RCOR1: variants seen among roughly 807,000 people sequenced by gnomAD.
RCOR1 encodes the protein REST corepressor.
RCOR1 carries 12 observed loss-of-function variants against 64.0 expected under a neutral mutation model. The ratio of observed to expected loss-of-function variants is 0.19; its 90% confidence interval spans 0.12 to 0.30. The LOEUF is 0.30. Among genes scored for constraint, RCOR1 ranks in the 10% least tolerant of loss-of-function variants. The pLI is 1.00. For synonymous variants in RCOR1, 279 were observed against 227.2 expected, an observed-to-expected ratio of 1.23 and a Z score of -2.05; for missense variants, 502 against 621.2, an observed-to-expected ratio of 0.81 and a Z score of 2.04.
chr14:102,678,738 T>G (rs1033339333), intron 2 of RCOR1, among the ~76,000 whole-genome samples: 1 of 152,220 alleles, frequency 6.6e-6, no homozygotes, highest in Non-Finnish European at 1.5e-5. Flanking sequence ...TAATTTTGCA[T>G]TTACACCAGC....
chr14:102,699,214 T>C (rs547141594), intron 3 of RCOR1, among the ~76,000 whole-genome samples: 13 of 152,332 alleles, frequency 8.5e-5, no homozygotes, highest in Non-Finnish European at 1.6e-4. Flanking sequence ...TCACCAGTTA[T>C]ACTTTTGTGA....
chr14:102,700,638 G>A (rs1431887365), intron 3 of RCOR1, among the ~76,000 whole-genome samples: 1 of 152,174 alleles, frequency 6.6e-6, no homozygotes, highest in African/African-American at 2.4e-5. Context: ...CGAAGTGTTA[G>A]GATTACAGGC....
intron 2 of RCOR1, among the ~76,000 whole-genome samples, chr14:102,667,406 G>A (rs557384921): frequency 2.0e-5 from 3 of 151,912 alleles, no homozygotes; most frequent in Non-Finnish European, 4.4e-5. Context: ...GAGGCTGAAG[G>A]AGGAGAATTG....
intron 2 of RCOR1, 33 bp downstream of exon 2, chr14:102,593,358 G>T: frequency 2.7e-6 from 4 of 1,503,966 alleles, no homozygotes; most frequent in Admixed American, 2.3e-5. Context: ...CGGCGGCGGG[G>T]ATGAGCGGGA....
chr14:102,634,638 A>G (rs7150123), intron 2 of RCOR1, among the ~76,000 whole-genome samples: 2,295 of 139,608 alleles, frequency 0.016, 40 homozygotes, highest in East Asian at 0.049. Context: ...GTATGTGTGT[A>G]TATATATATA....
At chr14:102,595,838 C>A (rs1470689659) in intron 2 of RCOR1, among the ~76,000 whole-genome samples, 1 of 152,108 alleles carries the variant, frequency 6.6e-6, no homozygotes, top group Non-Finnish European at 1.5e-5. Context: ...CTCGGCCTCT[C>A]ATAGTGCTGG....
intron 2 of RCOR1, among the ~76,000 whole-genome samples, chr14:102,640,006 C>T (rs1181248882): frequency 2.6e-5 from 4 of 152,130 alleles, no homozygotes; most frequent in African/African-American, 4.8e-5. Context: ...CCACCACACC[C>T]GGCTAATTTT....
chr14:102,637,331 T>G (rs1481801305), intron 2 of RCOR1, among the ~76,000 whole-genome samples: 1 of 152,028 alleles, frequency 6.6e-6, no homozygotes, highest in Non-Finnish European at 1.5e-5. Flanking sequence ...TTTACTATGT[T>G]GGTGAGGCTG....
At chr14:102,644,371 TTGGTAGGAGTACAGAAG>T (rs1420808427) in intron 2 of RCOR1, among the ~76,000 whole-genome samples, 1 of 152,184 alleles carries the variant, frequency 6.6e-6, no homozygotes, top group East Asian at 1.9e-4. Flanking sequence ...ATTCCATCTC[TTGGTAGGAGTACAGAAG>T]TGGAATTGCA....
intron 3 of RCOR1, among the ~76,000 whole-genome samples, chr14:102,700,286 A>G (rs939737392): frequency 1.3e-5 from 2 of 151,822 alleles, no homozygotes; most frequent in Non-Finnish European, 2.9e-5. Context: ...CAGTGGTGCA[A>G]TCTTGGTTCA....
intron 2 of RCOR1, among the ~76,000 whole-genome samples, chr14:102,673,570 T>C (rs531551882): frequency 1.7e-4 from 26 of 152,054 alleles, no homozygotes; most frequent in East Asian, 5.8e-4. Flanking sequence ...CTCCTGACCT[T>C]GTGATCCGCC....
intron 2 of RCOR1, among the ~76,000 whole-genome samples, chr14:102,667,393 C>T (rs536137590): frequency 1.9e-4 from 29 of 151,778 alleles, no homozygotes; most frequent in Non-Finnish European, 3.2e-4. Context: ...CCCAGCTGCT[C>T]GGGAGGCTGA....
At chr14:102,726,440 T>TC in intron 11 of RCOR1, 28 bp from the exon 12 acceptor site, 1 of 1,249,942 alleles carries the variant, frequency 8.0e-7, no homozygotes, top group East Asian at 3.2e-5. Flanking sequence ...TTTGATCCTT[T>TC]TTTTTTTTTT....
intron 3 of RCOR1, among the ~76,000 whole-genome samples, chr14:102,695,757 G>A (rs979136560): frequency 7.3e-5 from 11 of 149,922 alleles, no homozygotes; most frequent in African/African-American, 2.7e-4. Flanking sequence ...CACCATGTTG[G>A]CCAGGCTGGT....
chr14:102,593,352 G>A, intron 2 of RCOR1, 27 bp downstream of exon 2: 3 of 1,518,536 alleles, frequency 2.0e-6, no homozygotes, highest in Non-Finnish European at 2.6e-6. Context: ...GCCGGCCGGC[G>A]GCGGGGATGA....
intron 2 of RCOR1, among the ~76,000 whole-genome samples, chr14:102,596,111 T>C (rs1013093370): frequency 6.6e-6 from 1 of 152,128 alleles, no homozygotes; most frequent in Admixed American, 6.6e-5. Context: ...AACATTTTTT[T>C]TTTTTTTAAT....
chr14:102,683,776 C>T (rs890236494), intron 3 of RCOR1, among the ~76,000 whole-genome samples: 7 of 152,246 alleles, frequency 4.6e-5, no homozygotes, highest in Non-Finnish European at 8.8e-5. Context: ...GTGCTGCTTC[C>T]GGGTCCCTCT....
chr14:102,598,343 C>CT (rs1156463224), intron 2 of RCOR1, among the ~76,000 whole-genome samples: 1 of 151,984 alleles, frequency 6.6e-6, no homozygotes, highest in Non-Finnish European at 1.5e-5. Context: ...CTAAGACTAT[C>CT]TGATATTTCC....
At chr14:102,658,363 C>A in intron 2 of RCOR1, 1 of 255,630 alleles carries the variant, frequency 3.9e-6, no homozygotes, top group Non-Finnish European at 6.1e-6. Context: ...CCTGTAATCC[C>A]AGCACTTTGG....
Sources: gnomAD v4.1 joint callset for allele counts (sites outside exome capture counted in the v4.1 genomes callset) on GRCh38, gnomAD v4.1.1 for gene constraint, MANE v1.5 for transcripts, NCBI Gene and HGNC (gene_info 2026-07-23, HGNC 2026-07-21) for gene names.